The following ANKS1B variants were observed in gnomAD, a reference collection of about 807,000 sequenced individuals.
ANKS1B encodes the protein ankyrin repeat and sterile alpha motif domain containing 1B.
ANKS1B carries 36 observed loss-of-function variants against 148.3 expected under a neutral mutation model. The observed-to-expected ratio is 0.24, with a 90% CI of 0.19 to 0.32. The LOEUF (loss-of-function observed/expected upper bound fraction) is 0.32, where lower values mean the gene tolerates loss of function less well. ANKS1B is among the 10% of genes least tolerant of loss of function. ANKS1B has a pLI of 1.00. For missense variants in ANKS1B, 1,157 were observed against 1,542.6 expected (o/e 0.75, Z 4.19); for synonymous variants, 542 against 560.8 (o/e 0.97, Z 0.47).
At chr12:98,995,612 T>A (rs2099929064) in intron 17 of ANKS1B, among the ~76,000 whole-genome samples, 1 of 151,784 alleles carries the variant, frequency 6.6e-6, no homozygotes, top group Admixed American at 6.6e-5. Flanking sequence ...CTGGCTAAGA[T>A]GGAGTAAGAG....
chr12:99,798,821 T>G (rs1336417731), intron 4 of ANKS1B, among the ~76,000 whole-genome samples: 17 of 152,080 alleles, frequency 1.1e-4, no homozygotes, highest in Non-Finnish European at 4.4e-5. Flanking sequence ...CTTCCTTCAC[T>G]TCATATCAAA....
chr12:99,146,557 G>A (rs900141395), intron 15 of ANKS1B, among the ~76,000 whole-genome samples: 1 of 152,116 alleles, frequency 6.6e-6, no homozygotes, highest in Non-Finnish European at 1.5e-5. Flanking sequence ...ATATACTCTA[G>A]TCGGCTTGGT....
intron 8 of ANKS1B, among the ~76,000 whole-genome samples, chr12:99,733,026 A>T (rs1208820555): frequency 1.3e-5 from 2 of 152,184 alleles, no homozygotes; most frequent in Admixed American, 1.3e-4. Flanking sequence ...TCATTAAAAA[A>T]AAAAAGAGCA....
intron 11 of ANKS1B, among the ~76,000 whole-genome samples, chr12:99,409,022 A>T (rs2094600050): frequency 6.6e-6 from 1 of 152,210 alleles, no homozygotes; most frequent in Non-Finnish European, 1.5e-5. Context: ...TCCCAAAAGT[A>T]TATCGAAAAC....
intron 16 of ANKS1B, among the ~76,000 whole-genome samples, chr12:99,067,390 T>C (rs958495731): frequency 3.3e-5 from 5 of 152,154 alleles, no homozygotes; most frequent in Admixed American, 3.3e-4. Flanking sequence ...CTTTGACACA[T>C]TGGGCACCTG....
At chr12:99,602,659 G>A (rs1362529342) in intron 9 of ANKS1B, among the ~76,000 whole-genome samples, 2 of 152,070 alleles carry the variant, frequency 1.3e-5, no homozygotes, top group East Asian at 3.8e-4. Context: ...CTGCTGTGGT[G>A]ATTTCCCTGA....
At chr12:99,140,725 A>G (rs61940182) in intron 15 of ANKS1B, among the ~76,000 whole-genome samples, 3,314 of 152,200 alleles carry the variant, frequency 0.022, 50 homozygotes, top group Middle Eastern at 0.034. Flanking sequence ...TTAAAGTGCA[A>G]TTGTCTTTCT....
At chr12:99,389,732 T>C (rs2093994657) in intron 12 of ANKS1B, among the ~76,000 whole-genome samples, 1 of 152,198 alleles carries the variant, frequency 6.6e-6, no homozygotes, top group African/African-American at 2.4e-5. Context: ...ATCTGTTATA[T>C]TTTCACGTGC....
At chr12:99,789,607 AT>A (rs1026879593) in intron 4 of ANKS1B, among the ~76,000 whole-genome samples, 4 of 152,228 alleles carry the variant, frequency 2.6e-5, no homozygotes, top group African/African-American at 9.6e-5. Flanking sequence ...TAACAAAGAG[AT>A]TGAAATAATT....
At chr12:98,832,911 TA>T (rs965280692) in intron 17 of ANKS1B, among the ~76,000 whole-genome samples, 7 of 150,716 alleles carry the variant, frequency 4.6e-5, no homozygotes, top group South Asian at 4.2e-4. Flanking sequence ...AAAGGATGAC[TA>T]AAAAAAAATA....
intron 9 of ANKS1B, among the ~76,000 whole-genome samples, chr12:99,597,944 T>C (rs2097771209): frequency 6.6e-6 from 1 of 152,042 alleles, no homozygotes; most frequent in Non-Finnish European, 1.5e-5. Flanking sequence ...AAATTATTTT[T>C]TAAGTCTCTC....
chr12:99,772,869 A>C (rs944798472), intron 8 of ANKS1B, 53 bp downstream of exon 8: 4 of 1,548,368 alleles, frequency 2.6e-6, no homozygotes. Flanking sequence ...AAGTGTACAC[A>C]CTGAACTGGC....
intron 15 of ANKS1B, among the ~76,000 whole-genome samples, chr12:99,104,156 G>A (rs2058630515): frequency 1.3e-5 from 2 of 151,964 alleles, no homozygotes. Flanking sequence ...TGAGATTGAG[G>A]GTAGGCAGAT....
At chr12:99,517,697 G>T (rs1415909083) in intron 9 of ANKS1B, among the ~76,000 whole-genome samples, 1 of 152,016 alleles carries the variant, frequency 6.6e-6, no homozygotes, top group Non-Finnish European at 1.5e-5. Context: ...TTCCAATTTG[G>T]ATGCCCTTTA....
intron 9 of ANKS1B, among the ~76,000 whole-genome samples, chr12:99,531,125 T>C (rs1346738919): frequency 6.6e-6 from 1 of 152,194 alleles, no homozygotes; most frequent in Non-Finnish European, 1.5e-5. Flanking sequence ...GTGGCTACAC[T>C]TGACTACATA....
At chr12:99,441,811 G>T (rs2095554890) in intron 11 of ANKS1B, among the ~76,000 whole-genome samples, 1 of 151,812 alleles carries the variant, frequency 6.6e-6, no homozygotes, top group Non-Finnish European at 1.5e-5. Context: ...TCTACCTCTA[G>T]ATTTCTTCAA....
chr12:99,297,738 G>A (rs909754610), intron 12 of ANKS1B, among the ~76,000 whole-genome samples: 1 of 152,014 alleles, frequency 6.6e-6, no homozygotes, highest in African/African-American at 2.4e-5. Context: ...CCTTCCAAGT[G>A]ACTCACAGGC....
chr12:99,057,553 A>G (rs1205914408), intron 16 of ANKS1B, among the ~76,000 whole-genome samples: 1 of 152,174 alleles, frequency 6.6e-6, no homozygotes, highest in Non-Finnish European at 1.5e-5. Flanking sequence ...TATTTTTTAG[A>G]AACATATCTA....
chr12:99,618,078 C>T (rs1267394990), intron 9 of ANKS1B, among the ~76,000 whole-genome samples: 1 of 152,146 alleles, frequency 6.6e-6, no homozygotes, highest in African/African-American at 2.4e-5. Context: ...GCTCCTTTGG[C>T]TTCATTTGTG....
Sources: allele counts gnomAD v4.1 joint callset (sites outside exome capture counted in the v4.1 genomes callset), GRCh38; gene constraint gnomAD v4.1.1; transcripts MANE v1.5; gene names NCBI Gene and HGNC (gene_info 2026-07-23, HGNC 2026-07-21).